Variants in FREM3 observed in about 807,000 individuals in gnomAD.
FREM3 encodes FRAS1 related extracellular matrix 3.
FREM3 carries 105 observed loss-of-function variants against 129.1 expected under a neutral mutation model. The observed-to-expected ratio is 0.81, with a 90% CI of 0.69 to 0.96. The LOEUF is 0.96. FREM3 is among the 40% of genes least tolerant of loss of function. The pLI, the probability that FREM3 is intolerant of heterozygous loss-of-function variation, is 0.00. For synonymous variants in FREM3, 1,014 were observed against 1,044.9 expected, an observed-to-expected ratio of 0.97 and a Z score of 0.57; for missense variants, 2,593 against 2,666.3, an observed-to-expected ratio of 0.97 and a Z score of 0.61.
At chr4:143,641,586 T>G (rs529532319) in intron 2 of FREM3, among the ~76,000 whole-genome samples, 2 of 152,156 alleles carry the variant, frequency 1.3e-5, no homozygotes, top group Non-Finnish European at 1.5e-5. Flanking sequence ...GTCCACACAT[T>G]GCAAAAATAG....
intron 2 of FREM3, among the ~76,000 whole-genome samples, chr4:143,643,404 G>A (rs999463636): frequency 1.4e-5 from 1 of 70,190 alleles, no homozygotes; most frequent in Admixed American, 1.9e-4. Flanking sequence ...AAGAAAATGT[G>A]GTATAGAAAC....
chr4:143,628,723 A>G (rs1034110272), intron 2 of FREM3, among the ~76,000 whole-genome samples: 1 of 152,144 alleles, frequency 6.6e-6, no homozygotes, highest in African/African-American at 2.4e-5. Flanking sequence ...GGAAATCCCT[A>G]TTATCACCAA....
intron 2 of FREM3, among the ~76,000 whole-genome samples, chr4:143,656,921 A>T (rs1331864080): frequency 2.6e-5 from 4 of 152,222 alleles, no homozygotes; most frequent in Non-Finnish European, 4.4e-5. Flanking sequence ...AGGGGAAGGC[A>T]AAGCCCCAGA....
intron 2 of FREM3, among the ~76,000 whole-genome samples, chr4:143,655,288 C>G (rs1317701542): frequency 2.0e-5 from 3 of 152,084 alleles, no homozygotes; most frequent in Non-Finnish European, 4.4e-5. Flanking sequence ...AAATATCACC[C>G]TTTTATGCCT....
intron 2 of FREM3, among the ~76,000 whole-genome samples, chr4:143,669,228 A>C (rs181634345): frequency 6.6e-6 from 1 of 152,308 alleles, no homozygotes; most frequent in Admixed American, 6.5e-5. Flanking sequence ...CACATTAGGA[A>C]CTAGGGTGCG....
intron 6 of FREM3, among the ~76,000 whole-genome samples, chr4:143,589,106 ATTTG>A (rs1178131861): frequency 6.6e-6 from 1 of 152,016 alleles, no homozygotes; most frequent in Non-Finnish European, 1.5e-5. Flanking sequence ...TTTCTTGTAA[ATTTG>A]TTTGAGTTCA....
At chr4:143,654,422 T>C (rs537959707) in intron 2 of FREM3, among the ~76,000 whole-genome samples, 11 of 152,344 alleles carry the variant, frequency 7.2e-5, no homozygotes, top group Admixed American at 4.6e-4. Flanking sequence ...GGAATCTTTC[T>C]GTCTAAAAAT....
rs750795724 is a variant in FREM3, at chr4:143,613,035, C to T, written c.5780-1508G>A. ...AGTTGGTGTCCATCACTGCATGTTG[C>T]TTGTATAGATCTAAGTTGCTAAAAA... On this transcript the variant is annotated intron_variant, in intron 5 of 7. Transcript: ENST00000329798. Among the ~76,000 whole-genome samples, 9 of 152,246 alleles carry T rather than the reference C, an allele frequency of 5.9e-5. No individual in the cohort carries two copies. In the East Asian group the frequency reaches 1.5e-3, roughly 26 times the overall value.
intron 2 of FREM3, among the ~76,000 whole-genome samples, chr4:143,671,147 A>G (rs1739957742): frequency 6.6e-6 from 1 of 152,188 alleles, no homozygotes; most frequent in Non-Finnish European, 1.5e-5. Context: ...TTGAAATTTA[A>G]TAATTTTTCC....
intron 2 of FREM3, among the ~76,000 whole-genome samples, chr4:143,668,746 A>G (rs558183054): frequency 1.3e-5 from 2 of 152,340 alleles, no homozygotes; most frequent in African/African-American, 4.8e-5. Context: ...TTTCTCTGCC[A>G]ATTTCTCATA....
rs187843182 is a variant in FREM3 at position 143,655,970 on chromosome 4, C to T, written c.5276-28210G>A. On this transcript the variant is annotated intron_variant, in intron 2 of 7. Transcript: ENST00000329798. Reference sequence around the variant, plus strand: ...CACTCCCTAGCTCATAGGCATAACCCCTGTATTAAATGACCAATATTACCT... The same window carrying T: ...CACTCCCTAGCTCATAGGCATAACCTCTGTATTAAATGACCAATATTACCT... 3.8e-3 allele frequency among the ~76,000 whole-genome samples: 583 copies of T among 152,122 alleles called. 3 individuals carry two copies. The highest frequency in any genetic ancestry group is 0.013 in the African/African-American group (545 of 41,512).
At chr4:143,602,528 TG>T (rs1738590936) in intron 6 of FREM3, among the ~76,000 whole-genome samples, 1 of 152,008 alleles carries the variant, frequency 6.6e-6, no homozygotes, top group Non-Finnish European at 1.5e-5. Flanking sequence ...GAGTGCCCCA[TG>T]GGGGACATGA....
Position 143,700,526 on chromosome 4 carries a change from AC to A in FREM3, c.149del (p.Gly50ValfsTer14), listed in dbSNP as rs1014109124. 22 of 1,517,418 alleles carry A rather than the reference AC, an allele frequency of 1.4e-5. No individual in the cohort carries two copies. The Admixed American group carries it at 3.8e-4, about 26-fold the overall frequency. 94.0% of individuals were successfully genotyped at this position (1,517,418 alleles called of 1,614,324 possible). On this transcript the variant is annotated frameshift_variant, in exon 1 of 8. Coordinates refer to ENST00000329798, the MANE Select transcript of FREM3 (RefSeq NM_001168235.2). LOFTEE classifies it high-confidence loss of function. The stretch of plus-strand genomic sequence containing the variant: ...CGTCGGGGCGAGTGCCGTCAAGCGC[AC>A]CCCGGGCGGGCAGGTAAAGCGCCGG... ...PDPALYLPAR[G>X]ALDGTRPDGP... is the part of the protein sequence containing the mutation.
At chr4:143,602,232 C>G (rs1008376378) in intron 6 of FREM3, among the ~76,000 whole-genome samples, 1 of 152,170 alleles carries the variant, frequency 6.6e-6, no homozygotes, top group Non-Finnish European at 1.5e-5. Flanking sequence ...ACTGAAATGA[C>G]GACTAAACTG....
At position 143,695,551 on chromosome 4, in the gene FREM3, C is replaced by G. The variant is rs773424177; in HGVS notation, c.5125G>C (p.Glu1709Gln). The change falls in exon 1 of 8, where the codon GAG (glutamate) becomes CAG (glutamine). Residue 1709 changes from glutamate to glutamine, a missense_variant. Transcript: ENST00000329798. ...LLKYKVTRGPEHGFIIKTGLG... is the reference protein window; with the variant it reads ...LLKYKVTRGPQHGFIIKTGLG... ...CCAGTTTTGATAATGAAGCCATGCT[C>G]TGGTCCTCTGGTCACTTTATACTTC... The G allele has an allele frequency of 7.8e-6, 12 of 1,537,308 alleles. No homozygotes were observed. In the African/African-American group the frequency reaches 9.6e-5, roughly 12 times the overall value.
Position 143,697,245 on chromosome 4 carries a change from A to G in FREM3, c.3431T>C (p.Ile1144Thr), listed in dbSNP as rs766510327. The change falls in exon 1 of 8, where the codon ATC becomes ACC. Residue 1144 changes from isoleucine to threonine, a missense_variant. Physicochemically the swap from Ile to Thr is moderately conservative, Grantham distance 89. Coordinates refer to ENST00000329798, the MANE Select transcript of FREM3 (RefSeq NM_001168235.2). ...SPISAFSLRD[I>T]QVRHINYVQS... ...TACATAATTGATATGCCTCACTTGG[A>G]TATCTCTGAGGGAGAAAGCACTGAT... 12 of 1,537,638 alleles carry G rather than the reference A, an allele frequency of 7.8e-6. No homozygotes were observed. The highest frequency in any genetic ancestry group is 2.0e-5 in the Admixed American group (1 of 51,002).
chr4:143,693,000 A>G, intron 2 of FREM3, 113 bp downstream of exon 2: 2 of 456,920 alleles, frequency 4.4e-6, no homozygotes, highest in Non-Finnish European at 7.7e-6. Flanking sequence ...ATTTATTGTG[A>G]TTACTTGCTT....
At chr4:143,634,618 T>C (rs1739203155) in intron 2 of FREM3, among the ~76,000 whole-genome samples, 1 of 152,088 alleles carries the variant, frequency 6.6e-6, no homozygotes, top group African/African-American at 2.4e-5. Context: ...CCTCCTCATG[T>C]GTGGCTCCGA....
At chr4:143,639,708 G>T (rs1425804067) in intron 2 of FREM3, among the ~76,000 whole-genome samples, 1 of 152,074 alleles carries the variant, frequency 6.6e-6, no homozygotes, top group Admixed American at 6.6e-5. Context: ...AAACTGTCTG[G>T]GAACAGAAGT....
Sources: gnomAD v4.1 joint callset for allele counts (sites outside exome capture counted in the v4.1 genomes callset) on GRCh38, gnomAD v4.1.1 for gene constraint, MANE v1.5 for transcripts, NCBI Gene and HGNC (gene_info 2026-07-23, HGNC 2026-07-21) for gene names.